The following TMEM132D variants were observed in gnomAD, a reference collection of about 807,000 sequenced individuals.
TMEM132D encodes the protein mature OL transmembrane protein.
Under a neutral mutation model 62.3 loss-of-function variants are expected in TMEM132D, and 21 were observed. The ratio of observed to expected loss-of-function variants is 0.34; its 90% CI spans 0.24 to 0.49. The LOEUF is 0.49. TMEM132D is among the 20% of genes least tolerant of loss of function. The probability of loss-of-function intolerance (pLI) is 0.99; values close to 1 mark genes in which losing one functional copy is unlikely to be tolerated. For synonymous variants in TMEM132D, 621 were observed against 575.6 expected (o/e 1.08, Z -1.13); for missense variants, 1,346 against 1,402.8 (o/e 0.96, Z 0.65).
At chr12:129,355,442 A>G (rs964408502) in intron 3 of TMEM132D, among the ~76,000 whole-genome samples, 2 of 151,808 alleles carry the variant, frequency 1.3e-5, no homozygotes, top group African/African-American at 4.8e-5. Flanking sequence ...TGGGTGGGGG[A>G]AGCGGAGAGT....
intron 5 of TMEM132D, among the ~76,000 whole-genome samples, chr12:129,092,889 A>G (rs543228099): frequency 1.9e-4 from 29 of 152,336 alleles, no homozygotes; most frequent in Non-Finnish European, 3.1e-4. Context: ...TCCTATAGCC[A>G]TGAGGGGCCT....
chr12:129,824,116 G>A (rs1323135082), intron 1 of TMEM132D, among the ~76,000 whole-genome samples: 1 of 152,146 alleles, frequency 6.6e-6, no homozygotes, highest in Non-Finnish European at 1.5e-5. Context: ...ATGGAGGGCT[G>A]CGCAAGAATT....
At chr12:129,460,699 G>C (rs1873636890) in intron 3 of TMEM132D, among the ~76,000 whole-genome samples, 2 of 152,202 alleles carry the variant, frequency 1.3e-5, no homozygotes, top group South Asian at 4.1e-4. Flanking sequence ...ACATGACGAT[G>C]ACCAGGGATG....
intron 5 of TMEM132D, among the ~76,000 whole-genome samples, chr12:129,162,247 A>G (rs1356400088): frequency 2.0e-5 from 3 of 152,186 alleles, no homozygotes; most frequent in Non-Finnish European, 4.4e-5. Context: ...TGCATGCTCC[A>G]TGCACTGAGG....
At chr12:129,341,084 C>T (rs759684252) in intron 3 of TMEM132D, among the ~76,000 whole-genome samples, 2 of 152,078 alleles carry the variant, frequency 1.3e-5, no homozygotes, top group Non-Finnish European at 2.9e-5. Context: ...TTTTAATGCC[C>T]CTTTGTAAAT....
At chr12:129,539,404 TC>T (rs1199123141) in intron 2 of TMEM132D, among the ~76,000 whole-genome samples, 2 of 116,454 alleles carry the variant, frequency 1.7e-5, no homozygotes, top group African/African-American at 7.2e-5. Context: ...GCTAATTTTT[TC>T]TTTTTTTTTT....
At chr12:129,393,409 G>A (rs1871342583) in intron 3 of TMEM132D, among the ~76,000 whole-genome samples, 2 of 152,186 alleles carry the variant, frequency 1.3e-5, no homozygotes, top group African/African-American at 4.8e-5. Context: ...AGATGCAGTG[G>A]CTTCTTGGGG....
At chr12:129,114,790 T>G (rs1875842684) in intron 5 of TMEM132D, among the ~76,000 whole-genome samples, 1 of 152,240 alleles carries the variant, frequency 6.6e-6, no homozygotes, top group African/African-American at 2.4e-5. Context: ...GTACGTGTTT[T>G]CCTAGTTCCT....
chr12:129,833,816 A>G (rs1410343468), intron 1 of TMEM132D, among the ~76,000 whole-genome samples: 1 of 152,172 alleles, frequency 6.6e-6, no homozygotes, highest in Non-Finnish European at 1.5e-5. Context: ...GTGTCAGTCT[A>G]CAGGAAACTC....
chr12:129,791,017 A>C (rs990382081), intron 1 of TMEM132D, among the ~76,000 whole-genome samples: 1 of 152,236 alleles, frequency 6.6e-6, no homozygotes, highest in Non-Finnish European at 1.5e-5. Flanking sequence ...AAGACCTTTA[A>C]TATTTCATTT....
intron 3 of TMEM132D, among the ~76,000 whole-genome samples, chr12:129,437,636 A>C (rs74310131): frequency 0.11 from 17,158 of 152,222 alleles, 1,647 homozygotes; most frequent in East Asian, 0.5. Flanking sequence ...ACTTTGGAAA[A>C]GTGTTTGGCA....
At chr12:129,645,667 G>C (rs915053327) in intron 2 of TMEM132D, among the ~76,000 whole-genome samples, 1 of 152,136 alleles carries the variant, frequency 6.6e-6, no homozygotes, top group East Asian at 1.9e-4. Flanking sequence ...TGAGATAGGG[G>C]TTTAGCAAGA....
rs1279702657 is a variant in TMEM132D, at chr12:129,162,286, G to C, written c.1443+47234C>G. ...GACCCTGTGAGGACATGGAGAGAAGGCAGCCGTGCACAAGCCAGGAAGAGA... is the reference window on the plus strand; with the variant it reads ...GACCCTGTGAGGACATGGAGAGAAGCCAGCCGTGCACAAGCCAGGAAGAGA... On this transcript the variant is annotated intron_variant, in intron 5 of 8. Transcript: ENST00000422113. Among the ~76,000 whole-genome samples, 5 of 152,154 alleles carry C rather than the reference G, an allele frequency of 3.3e-5. No homozygotes were observed. In the East Asian group the frequency reaches 9.6e-4, roughly 29 times the overall value.
In TMEM132D at chr12:129,534,401, G is replaced by A. The variant is rs1011522586; in HGVS notation, c.969-3196C>T. 2.1e-5 allele frequency among the ~76,000 whole-genome samples: 3 copies of A among 145,118 alleles called. No homozygotes were observed. The Admixed American group carries it at 2.2e-4, about 10-fold the overall frequency. ...TTTTTAAAACATAATAGAACTGCAGGGACTGTGTATATTTTATATACATAT... is the reference window on the plus strand; with the variant it reads ...TTTTTAAAACATAATAGAACTGCAGAGACTGTGTATATTTTATATACATAT... On this transcript the variant is annotated intron_variant, in intron 2 of 8. Coordinates refer to ENST00000422113, the MANE Select transcript of TMEM132D (RefSeq NM_133448.3).
chr12:129,412,954 C>T (rs1036716759), intron 3 of TMEM132D, among the ~76,000 whole-genome samples: 4 of 152,172 alleles, frequency 2.6e-5, no homozygotes, highest in African/African-American at 9.7e-5. Context: ...AACTCATGTG[C>T]CCGTTCTGAG....
intron 2 of TMEM132D, among the ~76,000 whole-genome samples, chr12:129,595,656 G>A (rs886850066): frequency 6.6e-6 from 1 of 152,218 alleles, no homozygotes; most frequent in Admixed American, 6.5e-5. Flanking sequence ...CTGTGTTCCT[G>A]CAATTTGTCT....
intron 1 of TMEM132D, among the ~76,000 whole-genome samples, chr12:129,704,761 G>A (rs1881464018): frequency 6.6e-6 from 1 of 152,128 alleles, no homozygotes; most frequent in Non-Finnish European, 1.5e-5. Flanking sequence ...AAAAACAGAA[G>A]GAGAACAGGA....
intron 1 of TMEM132D, among the ~76,000 whole-genome samples, chr12:129,760,125 T>G (rs1460783988): frequency 1.3e-5 from 2 of 152,050 alleles, no homozygotes; most frequent in Non-Finnish European, 2.9e-5. Context: ...CAGGCTGGCC[T>G]CGAACTCCTG....
intron 1 of TMEM132D, among the ~76,000 whole-genome samples, chr12:129,849,739 T>C (rs1451266283): frequency 6.6e-6 from 1 of 152,152 alleles, no homozygotes; most frequent in Non-Finnish European, 1.5e-5. Flanking sequence ...TGCATACACA[T>C]TCTCTCCTCT....
Sources: allele counts gnomAD v4.1 joint callset (sites outside exome capture counted in the v4.1 genomes callset), GRCh38; gene constraint gnomAD v4.1.1; transcripts MANE v1.5; gene names NCBI Gene and HGNC (gene_info 2026-07-23, HGNC 2026-07-21).